The following HOMER2 variants were observed in gnomAD, a reference collection of about 807,000 sequenced individuals.
HOMER2 encodes homer scaffold protein 2, also known as homer protein homolog 2.
A neutral mutation model predicts 47.0 loss-of-function variants in HOMER2; 27 were observed. The ratio of observed to expected loss-of-function variants is 0.57; its 90% CI spans 0.42 to 0.79. The LOEUF (loss-of-function observed/expected upper bound fraction) is 0.79, where lower values mean the gene tolerates loss of function less well. Ranked by LOEUF, HOMER2 falls within the 30% of genes least tolerant of loss-of-function variation. HOMER2 has a pLI of 0.00. For missense variants in HOMER2, 443 were observed against 435.0 expected (o/e 1.02, Z -0.16); for synonymous variants, 161 against 163.8 (o/e 0.98, Z 0.13).
At chr15:82,844,080 G>C (rs1392782559), downstream of HOMER2, 1 of 152,232 alleles carries the variant, frequency 6.6e-6, no homozygotes, top group African/African-American at 2.4e-5. Context: ...TGAGGGAAGG[G>C]AAGGCAGACA....
chr15:82,946,487 T>C (rs1174838896), intron 1 of HOMER2, among the ~76,000 whole-genome samples: 1 of 152,156 alleles, frequency 6.6e-6, no homozygotes, highest in Non-Finnish European at 1.5e-5. Context: ...CCTCAGGGCC[T>C]TTACACCTGC....
chr15:82,902,077 AT>A (rs2053137404), intron 1 of HOMER2, among the ~76,000 whole-genome samples: 1 of 152,208 alleles, frequency 6.6e-6, no homozygotes, highest in African/African-American at 2.4e-5. Context: ...TATGGTTAAC[AT>A]TTATACTATA....
At chr15:82,912,846 A>C (rs547312247) in intron 1 of HOMER2, among the ~76,000 whole-genome samples, 1 of 152,346 alleles carries the variant, frequency 6.6e-6, no homozygotes, top group East Asian at 1.9e-4. Context: ...CCGTGTACCT[A>C]TCTGAAGGCA....
downstream of HOMER2, among the ~76,000 whole-genome samples, chr15:82,848,063 TA>T (rs1481086296): frequency 6.6e-6 from 1 of 152,182 alleles, no homozygotes; most frequent in East Asian, 1.9e-4. Flanking sequence ...GGAGCTCCTC[TA>T]AAAGTGCCTT....
intron 1 of HOMER2, 101 bp downstream of exon 1, chr15:82,952,430 G>C: frequency 1.2e-6 from 1 of 862,746 alleles, no homozygotes. Flanking sequence ...GGGGAGGCGG[G>C]GGCCGGCCCG....
At chr15:82,979,470 T>G (rs1338589642) in intron 1 of HOMER2, among the ~76,000 whole-genome samples, 1 of 152,144 alleles carries the variant, frequency 6.6e-6, no homozygotes. Context: ...TGTTTCACAA[T>G]GATAAAGGAT....
At chr15:82,898,707 A>G (rs2053017011) in intron 1 of HOMER2, among the ~76,000 whole-genome samples, 1 of 152,246 alleles carries the variant, frequency 6.6e-6, no homozygotes, top group African/African-American at 2.4e-5. Flanking sequence ...CCTGCTTTGA[A>G]CAATTTCTGG....
rs928406358 is a variant in HOMER2, at chr15:82,927,973, C to CAA, written c.5+24556_5+24557dup. ...GACAACAAGAGCAAAAACTCCGTCT[C>CAA]AAAAAAAAAAAAAAAAAAAAAAGTG... On this transcript the variant is annotated intron_variant, in intron 1 of 8. Transcript: ENST00000450735. Among the ~76,000 whole-genome samples, 184 of 57,082 alleles carry CAA rather than the reference C, an allele frequency of 3.2e-3. 2 individuals carry two copies. The highest frequency in any genetic ancestry group is 6.0e-3 in the African/African-American group (125 of 20,790). The allele number at this position is 57,082 out of a possible 152,430, so 37.4% of individuals were successfully genotyped here. A position where few individuals can be genotyped will look rare whatever the true frequency, so the allele number is the denominator to read the frequency against.
At chr15:82,983,977 C>T (rs767875697) in intron 1 of HOMER2, among the ~76,000 whole-genome samples, 1 of 151,934 alleles carries the variant, frequency 6.6e-6, no homozygotes, top group East Asian at 1.9e-4. Flanking sequence ...CGCACTATAG[C>T]GCGCTAACCA....
intron 1 of HOMER2, among the ~76,000 whole-genome samples, chr15:82,919,408 G>A (rs1022462641): frequency 6.6e-6 from 1 of 152,212 alleles, no homozygotes; most frequent in Non-Finnish European, 1.5e-5. Flanking sequence ...CAGTGAGGGA[G>A]AGTCATTAGG....
Position 82,952,616 on chromosome 15 carries a change from G to T in HOMER2, c.-81C>A, listed in dbSNP as rs1185611865. 2 of 1,072,816 alleles carry T rather than the reference G, an allele frequency of 1.9e-6. No individual in the cohort carries two copies. Among genetic ancestry groups the T allele is most frequent in the Non-Finnish European group, 1.1e-6 (1 of 887,772 alleles). The allele number at this position is 1,072,816 out of a possible 1,614,324, so 66.5% of individuals were successfully genotyped here. ...CCGCTCGGCAGCCGCTCCCCGCGCG[G>T]CACATGCGGCGGCCCGTGCGCGCCC... On this transcript the variant is annotated 5_prime_UTR_variant, in exon 1 of 9. It introduces an in-frame stop codon into an upstream open reading frame of the 5' UTR. Coordinates refer to ENST00000450735, the MANE Select transcript of HOMER2 (RefSeq NM_004839.4).
At chr15:82,974,325 AC>A (rs2030123442) in intron 1 of HOMER2, among the ~76,000 whole-genome samples, 1 of 150,522 alleles carries the variant, frequency 6.6e-6, no homozygotes, top group Non-Finnish European at 1.5e-5. Flanking sequence ...AACAGCTTGA[AC>A]CCGGGAGGTG....
chr15:82,966,028 C>T (rs753265975), intron 1 of HOMER2, among the ~76,000 whole-genome samples: 6 of 152,128 alleles, frequency 3.9e-5, no homozygotes, highest in Non-Finnish European at 5.9e-5. Flanking sequence ...TTCAGCCCAG[C>T]AGGTCGAGGC....
chr15:82,965,516 A>G (rs997693759), intron 1 of HOMER2, among the ~76,000 whole-genome samples: 1 of 152,126 alleles, frequency 6.6e-6, no homozygotes, highest in African/African-American at 2.4e-5. Flanking sequence ...AACCATAAAA[A>G]TCACTTATTG....
intron 4 of HOMER2, among the ~76,000 whole-genome samples, chr15:82,859,343 A>G (rs552973271): frequency 1.3e-5 from 2 of 152,286 alleles, no homozygotes; most frequent in East Asian, 3.9e-4. Context: ...AAAAGAAAAC[A>G]AAACCTAACA....
rs1176848312 is a variant in HOMER2 at position 82,969,381 on chromosome 15, C to T, written n.83-10073G>A. ...AAGTCTGAAGACATGACTAGCTGCA[C>T]GTCTTTACCCTAAAAGCTTGCTATT... On this transcript the variant is annotated intron_variant and non_coding_transcript_variant, in intron 1 of 1. Transcript: ENST00000500334. Among the ~76,000 whole-genome samples, 5 of 152,198 alleles carry T rather than the reference C, an allele frequency of 3.3e-5. No homozygotes were observed. In the East Asian group the frequency reaches 7.7e-4, roughly 23 times the overall value.
At chr15:82,966,633 G>C (rs111739203) in intron 1 of HOMER2, among the ~76,000 whole-genome samples, 66 of 152,296 alleles carry the variant, frequency 4.3e-4, no homozygotes, top group African/African-American at 1.5e-3. Flanking sequence ...ATAGCCAAGA[G>C]GTAGAATAGA....
At chr15:82,935,614 C>T (rs2054124967) in intron 1 of HOMER2, among the ~76,000 whole-genome samples, 1 of 152,170 alleles carries the variant, frequency 6.6e-6, no homozygotes, top group Non-Finnish European at 1.5e-5. Flanking sequence ...TTGACTCCCA[C>T]ACCCCCATCC....
At chr15:82,948,718 G>A (rs1234063312) in intron 1 of HOMER2, among the ~76,000 whole-genome samples, 1 of 152,240 alleles carries the variant, frequency 6.6e-6, no homozygotes, top group East Asian at 1.9e-4. Context: ...AACAGCAAGT[G>A]CAAGGATCTC....
Sources: gnomAD v4.1 joint callset for allele counts (sites outside exome capture counted in the v4.1 genomes callset) on GRCh38, gnomAD v4.1.1 for gene constraint, MANE v1.5 for transcripts, NCBI Gene and HGNC (gene_info 2026-07-23, HGNC 2026-07-21) for gene names.